The following ERCC6L2 variants were observed in gnomAD, a reference collection of about 807,000 sequenced individuals.
ERCC6L2 encodes the protein DNA excision repair protein ERCC-6-like 2.
Under a neutral mutation model 132.0 loss-of-function variants are expected in ERCC6L2, and 77 were observed. The observed-to-expected ratio is 0.58, with a 90% CI of 0.49 to 0.71. The LOEUF is 0.71. Among genes scored for constraint, ERCC6L2 ranks in the 30% least tolerant of loss-of-function variants. The pLI is 0.00. For missense variants in ERCC6L2, 1,542 were observed against 1,837.6 expected (o/e 0.84, Z 2.94); for synonymous variants, 583 against 632.4 (o/e 0.92, Z 1.17).
chr9:95,912,357 G>A (rs1469662427), intron 4 of ERCC6L2, among the ~76,000 whole-genome samples: 1 of 151,924 alleles, frequency 6.6e-6, no homozygotes, highest in Non-Finnish European at 1.5e-5. Context: ...CAGTACATGA[G>A]CATCTAGATT....
chr9:95,963,185 T>C (rs1208091518), intron 13 of ERCC6L2, among the ~76,000 whole-genome samples: 1 of 151,712 alleles, frequency 6.6e-6, no homozygotes, highest in Non-Finnish European at 1.5e-5. Context: ...GTGTGTAAAT[T>C]TTATTTGTAA....
intron 18 of ERCC6L2, 79 bp downstream of exon 18, chr9:96,004,780 C>A: frequency 1.1e-6 from 1 of 922,274 alleles, no homozygotes; most frequent in Non-Finnish European, 1.5e-6. Context: ...TATGTAAATA[C>A]TTGAATTATA....
At chr9:95,961,477 C>T (rs1022959654) in intron 13 of ERCC6L2, among the ~76,000 whole-genome samples, 1 of 152,140 alleles carries the variant, frequency 6.6e-6, no homozygotes, top group Non-Finnish European at 1.5e-5. Flanking sequence ...AGCTGCACAA[C>T]TATGAGAAAA....
At position 96,010,169 on chromosome 9, in the gene ERCC6L2, T is replaced by C. The variant is rs192181379; in HGVS notation, c.3675-2056T>C. On this transcript the variant is annotated intron_variant, in intron 18 of 18. Transcript: ENST00000653738. Reference sequence around the variant, plus strand: ...TTTCCAGGACAGAAAGTTGGAGTCATGTGTATGTGTTACTAAATATTCTGT... The same window carrying C: ...TTTCCAGGACAGAAAGTTGGAGTCACGTGTATGTGTTACTAAATATTCTGT... Among the ~76,000 whole-genome samples the C allele has an allele frequency of 1.6e-4, 25 of 152,332 alleles. No individual in the cohort carries two copies. In the East Asian group the frequency reaches 2.7e-3, roughly 16 times the overall value.
At chr9:95,877,992 A>G (rs1303437407) in intron 1 of ERCC6L2, among the ~76,000 whole-genome samples, 1 of 152,170 alleles carries the variant, frequency 6.6e-6, no homozygotes, top group Admixed American at 6.5e-5. Flanking sequence ...TGTTATGATA[A>G]GTGCTACAGA....
chr9:96,037,666 G>T (rs1834535219), intron 19 of ERCC6L2, among the ~76,000 whole-genome samples: 1 of 152,144 alleles, frequency 6.6e-6, no homozygotes, highest in Admixed American at 6.5e-5. Context: ...CCAGGGAATA[G>T]CTTCTGAGCA....
At chr9:95,926,027 C>T (rs1830084722) in intron 9 of ERCC6L2, among the ~76,000 whole-genome samples, 1 of 152,104 alleles carries the variant, frequency 6.6e-6, no homozygotes, top group Non-Finnish European at 1.5e-5. Context: ...CAAATTAAAA[C>T]AGCAAGGAGA....
chr9:95,955,397 G>A (rs540747219), intron 12 of ERCC6L2, among the ~76,000 whole-genome samples: 1 of 148,468 alleles, frequency 6.7e-6, no homozygotes, highest in African/African-American at 2.6e-5. Flanking sequence ...GATAAGTTTT[G>A]ACTTATGTAC....
At chr9:95,968,571 C>T (rs1240711858) in intron 14 of ERCC6L2, 1 of 152,046 alleles carries the variant, frequency 6.6e-6, no homozygotes, top group Non-Finnish European at 1.5e-5. Flanking sequence ...TCATGTGAGA[C>T]ATTTTTAATT....
intron 3 of ERCC6L2, among the ~76,000 whole-genome samples, chr9:95,899,596 A>ATGTGTGTG (rs1472081988): frequency 3.5e-5 from 4 of 113,766 alleles, no homozygotes; most frequent in African/African-American, 1.7e-4. Context: ...CTCTTTATAT[A>ATGTGTGTG]TATATGTGTG....
chr9:95,889,208 G>T (rs932409725), intron 2 of ERCC6L2, among the ~76,000 whole-genome samples: 19 of 152,102 alleles, frequency 1.2e-4, no homozygotes, highest in African/African-American at 4.3e-4. Flanking sequence ...TTGTTTTAGA[G>T]AATTTGACAA....
rs1354751619 is a variant in ERCC6L2, at chr9:95,972,890, A to G, written c.3139A>G (p.Ser1047Gly). The stretch of plus-strand genomic sequence containing the variant: ...TGATGATTATTCATCCTCAGATGAG[A>G]GTTTATCCGTCAGCCACTTCAGTTT... ...FIDDYSSSDE[S>G]LSVSHFSFSK... Residue 1047 changes from serine to glycine, a missense_variant, in exon 16 of 19, where the codon AGT becomes GGT. Ser to Gly is a moderately conservative substitution (Grantham distance 56). Coordinates refer to ENST00000653738, the MANE Select transcript of ERCC6L2 (RefSeq NM_020207.7). 2 of 1,305,370 alleles carry G rather than the reference A, an allele frequency of 1.5e-6. No individual in the cohort carries two copies. The highest frequency in any genetic ancestry group is 1.0e-6 in the Non-Finnish European group (1 of 988,932). The allele number at this position is 1,305,370 out of a possible 1,614,324, so 80.9% of individuals were successfully genotyped here.
intron 9 of ERCC6L2, among the ~76,000 whole-genome samples, chr9:95,925,145 C>T (rs1830046744): frequency 6.6e-6 from 1 of 152,160 alleles, no homozygotes; most frequent in Non-Finnish European, 1.5e-5. Context: ...AACAGAATGC[C>T]TGCTATAATC....
chr9:95,951,041 A>G (rs565549086), intron 12 of ERCC6L2, among the ~76,000 whole-genome samples: 5 of 152,306 alleles, frequency 3.3e-5, no homozygotes, highest in African/African-American at 1.2e-4. Context: ...TAAGTACACA[A>G]TGAACACTCT....
chr9:95,965,050 T>C (rs751122363), intron 13 of ERCC6L2, among the ~76,000 whole-genome samples: 2 of 152,178 alleles, frequency 1.3e-5, no homozygotes, highest in Non-Finnish European at 2.9e-5. Context: ...TCAATTGTTA[T>C]TGTAATTCTG....
At chr9:95,916,475 A>ATT in intron 6 of ERCC6L2, 41 bp downstream of exon 6, 9 of 1,284,052 alleles carry the variant, frequency 7.0e-6, no homozygotes, top group South Asian at 1.9e-5. Flanking sequence ...TTGTGGTCAT[A>ATT]TTTTTTTTTT....
chr9:96,033,538 C>T (rs1051383848), intron 19 of ERCC6L2, among the ~76,000 whole-genome samples: 2 of 152,296 alleles, frequency 1.3e-5, no homozygotes, highest in Non-Finnish European at 2.9e-5. Flanking sequence ...TGAACCACCA[C>T]GTCTGGCCAT....
At chr9:95,971,493 G>C (rs1409998468) in intron 15 of ERCC6L2, 1 of 152,110 alleles carries the variant, frequency 6.6e-6, no homozygotes, top group Admixed American at 6.6e-5. Context: ...CAATTTTCCA[G>C]TCTTGAATTC....
rs2133233948 is a variant in ERCC6L2, at chr9:96,014,901, T to C, written c.*1698T>C. Among the ~76,000 whole-genome samples the C allele has an allele frequency of 6.6e-6, 1 of 152,204 alleles. No individual in the cohort carries two copies. Among genetic ancestry groups the C allele is most frequent in the African/African-American group, 2.4e-5 (1 of 41,530 alleles). The stretch of plus-strand genomic sequence containing the variant: ...CAGCTATCTGAGGAACTCCAGTAAG[T>C]AGATACCACTTCATTTCAGTTTATA... On this transcript the variant is annotated 3_prime_UTR_variant, in exon 19 of 19. Coordinates refer to ENST00000653738, the MANE Select transcript of ERCC6L2 (RefSeq NM_020207.7).
Sources: allele counts gnomAD v4.1 joint callset (sites outside exome capture counted in the v4.1 genomes callset), GRCh38; gene constraint gnomAD v4.1.1; transcripts MANE v1.5; gene names NCBI Gene and HGNC (gene_info 2026-07-23, HGNC 2026-07-21).